CSNK1G3: variants seen among roughly 807,000 people sequenced by gnomAD.
The protein encoded by CSNK1G3 is casein kinase 1 gamma 3.
Under a neutral mutation model 64.3 loss-of-function variants are expected in CSNK1G3, and 23 were observed. The ratio of observed to expected loss-of-function variants is 0.36; its 90% CI spans 0.26 to 0.51. The LOEUF is 0.51. CSNK1G3 is among the 20% of genes least tolerant of loss of function. The pLI is 0.96. For synonymous variants in CSNK1G3, 158 were observed against 162.2 expected, an observed-to-expected ratio of 0.97 and a Z score of 0.20; for missense variants, 357 against 510.5, an observed-to-expected ratio of 0.70 and a Z score of 2.90.
Position 123,564,396 on chromosome 5 carries a change from G to A in CSNK1G3, c.289+6832G>A, listed in dbSNP as rs371121606. Among the ~76,000 whole-genome samples, 44 of 152,060 alleles carry A rather than the reference G, an allele frequency of 2.9e-4. No homozygotes were observed. The East Asian group carries it at 7.9e-3, about 27-fold the overall frequency. Reference sequence around the variant, plus strand: ...ATATTACTAAATATACATAATTTTTGTAATTCCTTGTGTAATAGTAAAAAG... The same window carrying A: ...ATATTACTAAATATACATAATTTTTATAATTCCTTGTGTAATAGTAAAAAG... On this transcript the variant is annotated intron_variant, in intron 4 of 12. Coordinates refer to ENST00000345990, the Ensembl canonical transcript of CSNK1G3.
chr5:123,590,602 C>G, intron 9 of CSNK1G3, 44 bp downstream of exon 9: 1 of 1,201,376 alleles, frequency 8.3e-7, no homozygotes, highest in Non-Finnish European at 1.1e-6. Flanking sequence ...GTATCTGTTG[C>G]CTTTTTAATA....
intron 1 of CSNK1G3, among the ~76,000 whole-genome samples, chr5:123,544,645 T>C (rs1453888283): frequency 6.6e-6 from 1 of 152,222 alleles, no homozygotes; most frequent in African/African-American, 2.4e-5. Context: ...ATTTGATCAC[T>C]GCAATTCCCA....
chr5:123,560,625 A>T (rs1466386203), intron 4 of CSNK1G3, among the ~76,000 whole-genome samples: 1 of 152,230 alleles, frequency 6.6e-6, no homozygotes, highest in African/African-American at 2.4e-5. Context: ...AGGTGGGAGC[A>T]TCGCTTGAGC....
chr5:123,523,071 A>G (rs1020676108), intron 1 of CSNK1G3, among the ~76,000 whole-genome samples: 6 of 152,202 alleles, frequency 3.9e-5, no homozygotes, highest in African/African-American at 4.8e-5. Context: ...CATATTTACA[A>G]TATCATTGAG....
At chr5:123,600,108 A>T (rs1269921438) in intron 10 of CSNK1G3, among the ~76,000 whole-genome samples, 1 of 152,132 alleles carries the variant, frequency 6.6e-6, no homozygotes, top group Non-Finnish European at 1.5e-5. Flanking sequence ...GCACAGGTTC[A>T]GGAAATTATT....
At chr5:123,519,222 T>A (rs1224796160) in intron 1 of CSNK1G3, among the ~76,000 whole-genome samples, 1 of 151,824 alleles carries the variant, frequency 6.6e-6, no homozygotes, top group Non-Finnish European at 1.5e-5. Context: ...CCTGGCTAAT[T>A]GTTGTATGTT....
intron 12 of CSNK1G3, among the ~76,000 whole-genome samples, chr5:123,605,930 T>A (rs191423076): frequency 4.6e-5 from 7 of 152,202 alleles, no homozygotes; most frequent in African/African-American, 1.7e-4. Context: ...ATAGAAATAA[T>A]TTTAGATTTA....
chr5:123,604,195 T>C (rs768037099), intron 10 of CSNK1G3, among the ~76,000 whole-genome samples: 1 of 152,046 alleles, frequency 6.6e-6, no homozygotes, highest in Non-Finnish European at 1.5e-5. Flanking sequence ...GGTTTTAAGT[T>C]AAAGAGGAAT....
exon 13 of CSNK1G3, chr5:123,614,906 C>A (rs968980410): frequency 6.5e-6 from 1 of 152,828 alleles, no homozygotes; most frequent in Non-Finnish European, 1.5e-5. Context: ...GCATTGATTT[C>A]AGTATTACTG....
intron 1 of CSNK1G3, among the ~76,000 whole-genome samples, chr5:123,525,476 A>G (rs1350695469): frequency 1.3e-5 from 2 of 151,822 alleles, no homozygotes; most frequent in East Asian, 3.9e-4. Context: ...ACGCCCCGCT[A>G]GTTTTTGTAT....
intron 3 of CSNK1G3, among the ~76,000 whole-genome samples, chr5:123,554,141 T>C (rs181733466): frequency 2.4e-4 from 37 of 152,280 alleles, no homozygotes; most frequent in African/African-American, 8.9e-4. Flanking sequence ...ATAGACCAAG[T>C]TTTAGTGTAA....
chr5:123,588,571 T>C, intron 8 of CSNK1G3, 60 bp downstream of exon 8: 1 of 1,036,864 alleles, frequency 9.6e-7, no homozygotes, highest in Non-Finnish European at 1.5e-6. Context: ...CTAATTTTTA[T>C]TGCTTAAGTT....
chr5:123,588,042 AAATTT>A, intron 6 of CSNK1G3, 21 bp from the exon 7 acceptor site: 1 of 1,423,802 alleles, frequency 7.0e-7, no homozygotes. Flanking sequence ...GAGAAAAGTG[AAATTT>A]ATATTTCTTT....
At chr5:123,605,994 C>T (rs556496933) in intron 12 of CSNK1G3, among the ~76,000 whole-genome samples, 76 of 152,172 alleles carry the variant, frequency 5.0e-4, no homozygotes, top group African/African-American at 1.7e-3. Flanking sequence ...AAATGCTTCT[C>T]TCAGTTTCAG....
At chr5:123,538,663 T>G (rs1010475491) in intron 1 of CSNK1G3, among the ~76,000 whole-genome samples, 3 of 152,184 alleles carry the variant, frequency 2.0e-5, no homozygotes, top group African/African-American at 7.2e-5. Flanking sequence ...CATACCACCA[T>G]GGCGCATGTA....
At chr5:123,547,508 G>A (rs185263728) in intron 2 of CSNK1G3, among the ~76,000 whole-genome samples, 1 of 152,164 alleles carries the variant, frequency 6.6e-6, no homozygotes, top group East Asian at 1.9e-4. Flanking sequence ...AGGGCAATAC[G>A]AGAAATATGA....
intron 10 of CSNK1G3, among the ~76,000 whole-genome samples, chr5:123,598,582 G>A (rs940904931): frequency 6.6e-6 from 1 of 152,104 alleles, no homozygotes; most frequent in Non-Finnish European, 1.5e-5. Flanking sequence ...AGTATACCAG[G>A]CAGAGAAGAC....
chr5:123,580,383 TAGA>T (rs1226608624), intron 6 of CSNK1G3, among the ~76,000 whole-genome samples: 1 of 151,998 alleles, frequency 6.6e-6, no homozygotes, highest in Non-Finnish European at 1.5e-5. Context: ...TATAATAATA[TAGA>T]AGAATAGTGT....
At chr5:123,575,653 G>A in intron 5 of CSNK1G3, 76 bp from the exon 6 acceptor site, 1 of 810,822 alleles carries the variant, frequency 1.2e-6, no homozygotes. Context: ...TTTTCATTCT[G>A]TCTTGCCTTT....
Sources: allele counts gnomAD v4.1 joint callset (sites outside exome capture counted in the v4.1 genomes callset), GRCh38; gene constraint gnomAD v4.1.1; transcripts MANE v1.5; gene names NCBI Gene and HGNC (gene_info 2026-07-23, HGNC 2026-07-21).